The following SLC27A4 variants were observed in gnomAD, a reference collection of about 807,000 sequenced individuals.
The protein encoded by SLC27A4 is solute carrier family 27 member 4.
In SLC27A4, 33 loss-of-function variants were observed where a neutral mutation model predicts 64.4. That is an observed-to-expected ratio of 0.51 (90% CI 0.39 to 0.68). The LOEUF is 0.68. Ranked by LOEUF, SLC27A4 falls within the 30% of genes least tolerant of loss-of-function variation. The pLI, the probability that SLC27A4 is intolerant of heterozygous loss-of-function variation, is 0.00. For missense variants in SLC27A4, 824 were observed against 883.5 expected, an observed-to-expected ratio of 0.93 and a Z score of 0.85; for synonymous variants, 377 against 370.0, an observed-to-expected ratio of 1.02 and a Z score of -0.22.
intron 10 of SLC27A4, 64 bp from the exon 11 acceptor site, chr9:128,355,334 C>G (rs1832801300): frequency 6.2e-7 from 1 of 1,608,058 alleles, no homozygotes; most frequent in African/African-American, 1.3e-5. Flanking sequence ...CAAAGCCTCC[C>G]TGGCTTGAGC....
intron 3 of SLC27A4, among the ~76,000 whole-genome samples, chr9:128,348,204 G>A (rs775279720): frequency 1.5e-4 from 23 of 152,168 alleles, no homozygotes; most frequent in Non-Finnish European, 2.9e-4. Flanking sequence ...GTGAGGTAGA[G>A]CTGGCATTGC....
chr9:128,348,732 G>C lies in SLC27A4; in HGVS notation c.715+29G>C, dbSNP rs752062187. Reference sequence around the variant, plus strand: ...GGCTCCATCCCCTCCCCATAGAGGGGCTCTCACACAGGCCCTGGACAGAGC... The same window carrying C: ...GGCTCCATCCCCTCCCCATAGAGGGCCTCTCACACAGGCCCTGGACAGAGC... On this transcript the variant is annotated intron_variant, in intron 4 of 12. Transcript: ENST00000300456. 3.7e-6 allele frequency: 6 copies of C among 1,610,820 alleles called. No individual in the cohort carries two copies. In the African/African-American group the frequency reaches 8.0e-5, roughly 22 times the overall value.
At chr9:128,342,271 G>T in intron 1 of SLC27A4, 2 of 1,611,292 alleles carry the variant, frequency 1.2e-6, no homozygotes, top group Non-Finnish European at 1.7e-6. Flanking sequence ...TGAGAAATTC[G>T]ATAAGTCGAA....
At chr9:128,343,798 T>A (rs1361820631) in intron 2 of SLC27A4, among the ~76,000 whole-genome samples, 2 of 152,184 alleles carry the variant, frequency 1.3e-5, no homozygotes, top group Non-Finnish European at 2.9e-5. Flanking sequence ...TCCCGCTTGT[T>A]CTCTACTAGG....
chr9:128,359,206 C>T (rs982688944), intron 12 of SLC27A4, among the ~76,000 whole-genome samples: 3 of 152,174 alleles, frequency 2.0e-5, no homozygotes, highest in Non-Finnish European at 2.9e-5. Flanking sequence ...TTGAAAGATG[C>T]GGCCAGGCGT....
At position 128,353,574 on chromosome 9, in the gene SLC27A4, T is replaced by C. The variant is rs749342015; in HGVS notation, c.1324+33T>C. On this transcript the variant is annotated intron_variant, in intron 9 of 12. Transcript: ENST00000300456. This position sits in a 1 kb window ranked among gnomAD's most constrained non-coding sequence, Gnocchi z 4.9. ...ACTTCGGGGTCAGAGAGGGAGGGGT[T>C]GGCCTGGGAAGGAAGGAGGCCAGGC... 6.2e-7 allele frequency: 1 copy of C among 1,610,538 alleles called. No individual in the cohort carries two copies. Among genetic ancestry groups the C allele is most frequent in the African/African-American group, 1.3e-5 (1 of 74,818 alleles).
chr9:128,355,992 G>A (rs757997785), intron 12 of SLC27A4, among the ~76,000 whole-genome samples, 196 bp downstream of exon 12: 1 of 152,174 alleles, frequency 6.6e-6, no homozygotes, highest in Non-Finnish European at 1.5e-5. Flanking sequence ...CACATATTAG[G>A]TGCCAGGCAC....
At position 128,345,855 on chromosome 9, in the gene SLC27A4, C is replaced by T. The variant is rs1832649607; in HGVS notation, c.556+306C>T. On this transcript the variant is annotated intron_variant, in intron 3 of 12. Transcript: ENST00000300456. This position sits in a 1 kb window ranked among gnomAD's most constrained non-coding sequence, Gnocchi z 4.1. ...GGCCAAGGCAGGAGGATCCCTTGAG[C>T]CCAGGAGTTTGAGACCAGCCTAGGC... Among the ~76,000 whole-genome samples the T allele has an allele frequency of 6.6e-6, 1 of 152,106 alleles. No homozygotes were observed. The highest frequency in any genetic ancestry group is 1.5e-5 in the Non-Finnish European group (1 of 68,010).
intron 1 of SLC27A4, among the ~76,000 whole-genome samples, chr9:128,341,463 G>A (rs1832570831): frequency 6.6e-6 from 1 of 152,166 alleles, no homozygotes; most frequent in African/African-American, 2.4e-5. Context: ...AGATTCATCC[G>A]AGTGGCTGTG....
chr9:128,356,292 C>T (rs1222808848), intron 12 of SLC27A4, among the ~76,000 whole-genome samples: 1 of 152,066 alleles, frequency 6.6e-6, no homozygotes, highest in Non-Finnish European at 1.5e-5. Context: ...GTGGGAGGCA[C>T]TCTAGGCTGC....
chr9:128,355,626 C>T (rs1421648386), intron 11 of SLC27A4, 24 bp from the exon 12 acceptor site: 1 of 1,608,348 alleles, frequency 6.2e-7, no homozygotes, highest in South Asian at 1.1e-5. Flanking sequence ...ACCAGCTACT[C>T]AGTGTCTACC....
rs775550483 is a variant in SLC27A4 at position 128,353,440 on chromosome 9, G to T, written c.1223G>T (p.Arg408Leu). Residue 408 changes from arginine to leucine, a missense_variant, in exon 9 of 13, where the codon CGC (arginine) becomes CTC (leucine). Arg to Leu is a moderately radical substitution (Grantham distance 102, BLOSUM62 -2). Coordinates refer to ENST00000300456, the MANE Select transcript of SLC27A4 (RefSeq NM_005094.4). The surrounding 1 kb of genome is among the most constrained non-coding windows in gnomAD (Gnocchi z 4.9). ...GTGGGGGCCTGTGGTTTCAATAGCCGCATCCTGTCCTTCGTGTACCCCATC... is the reference window on the plus strand; with the variant it reads ...GTGGGGGCCTGTGGTTTCAATAGCCTCATCCTGTCCTTCGTGTACCCCATC... Reference protein sequence around the residue: ...SQVGACGFNSRILSFVYPIRL... With the variant: ...SQVGACGFNSLILSFVYPIRL... 9.9e-6 allele frequency: 16 copies of T among 1,614,182 alleles called. No individual in the cohort carries two copies. Among genetic ancestry groups the T allele is most frequent in the Non-Finnish European group, 1.4e-5 (16 of 1,180,044 alleles).
intron 1 of SLC27A4, among the ~76,000 whole-genome samples, chr9:128,341,938 C>T (rs1832578658): frequency 6.6e-6 from 1 of 152,114 alleles, no homozygotes; most frequent in Non-Finnish European, 1.5e-5. Context: ...AGGGTTTCAC[C>T]ATCTTGGTCA....
At chr9:128,351,262 T>C (rs1051076255) in intron 6 of SLC27A4, among the ~76,000 whole-genome samples, 3 of 110,632 alleles carry the variant, frequency 2.7e-5, no homozygotes, top group African/African-American at 7.7e-5. Context: ...AGACACTGTC[T>C]CAAAAAAAAA....
At chr9:128,356,937 C>CA (rs200905346) in intron 12 of SLC27A4, among the ~76,000 whole-genome samples, 6,271 of 151,808 alleles carry the variant, frequency 0.041, 156 homozygotes, top group Middle Eastern at 0.075. Flanking sequence ...ACCAAAAATA[C>CA]AAAAAAATTA....
rs750837144 is a variant in SLC27A4 at position 128,355,481 on chromosome 9, G to T, written c.1546G>T (p.Val516Leu). 1 of 1,613,308 alleles carries T rather than the reference G, an allele frequency of 6.2e-7. No homozygotes were observed. The change falls in exon 11 of 13, where the codon GTG becomes TTG. Residue 516 changes from valine (V) to leucine (L), a missense_variant. Physicochemically the swap from Val to Leu is conservative, Grantham distance 32. Transcript: ENST00000300456. ...GDTFRWKGEN[V>L]STTEVEGTLS... is the part of the protein sequence containing the mutation. ...CACGTTCCGCTGGAAAGGTGAGAAC[G>T]TGTCCACCACCGAGGTGGAAGGCAC... is the stretch of plus-strand genomic sequence containing the variant.
chr9:128,357,172 G>T (rs1832832342), intron 12 of SLC27A4, among the ~76,000 whole-genome samples: 1 of 149,668 alleles, frequency 6.7e-6, no homozygotes, highest in Non-Finnish European at 1.5e-5. Flanking sequence ...TGAGGCATGA[G>T]AAGCACTTGA....
intron 1 of SLC27A4, chr9:128,342,541 C>T (rs1489307317): frequency 6.7e-6 from 5 of 745,430 alleles, no homozygotes; most frequent in African/African-American, 5.3e-5. Flanking sequence ...CTGCCTCTCC[C>T]ATCTGTCTAT....
chr9:128,350,634 C>A, intron 6 of SLC27A4, 59 bp downstream of exon 6: 1 of 1,293,664 alleles, frequency 7.7e-7, no homozygotes, highest in Non-Finnish European at 1.1e-6. Flanking sequence ...GAACCCCACC[C>A]CCATCAGGCA....
Sources: allele counts gnomAD v4.1 joint callset (sites outside exome capture counted in the v4.1 genomes callset), GRCh38; gene constraint gnomAD v4.1.1; non-coding constraint Gnocchi (gnomAD v3.1); transcripts MANE v1.5; gene names NCBI Gene and HGNC (gene_info 2026-07-23, HGNC 2026-07-21).